The following HDX variants were observed in gnomAD, a reference collection of about 807,000 sequenced individuals.
HDX encodes highly divergent homeobox, also known as chromosome X open reading frame 43.
A neutral mutation model predicts 45.2 loss-of-function variants in HDX; 19 were observed. That is an observed-to-expected ratio of 0.42 (90% CI 0.29 to 0.62). The LOEUF (loss-of-function observed/expected upper bound fraction) is 0.62. HDX is among the 20% of genes least tolerant of loss of function. HDX has a pLI of 0.20. For synonymous variants in HDX, 188 were observed against 172.8 expected (o/e 1.09, Z -0.69); for missense variants, 532 against 493.9 (o/e 1.08, Z -0.73).
chrX:84,380,598 A>G (rs2038165756), intron 5 of HDX, among the ~76,000 whole-genome samples: 1 of 111,585 alleles, frequency 9.0e-6, no homozygotes, highest in East Asian at 2.8e-4. Flanking sequence ...GTGATACATC[A>G]CACCAACAGA....
At chrX:84,324,435 T>C (rs2036666551) in intron 10 of HDX, among the ~76,000 whole-genome samples, 1 of 111,588 alleles carries the variant, frequency 9.0e-6, no homozygotes. Flanking sequence ...GTGTCTTCTA[T>C]ATTTTGTGAC....
At chrX:84,405,847 T>G (rs1031076299) in intron 5 of HDX, among the ~76,000 whole-genome samples, 4 of 110,519 alleles carry the variant, frequency 3.6e-5, no homozygotes, top group African/African-American at 1.3e-4. Context: ...CAGCAATATA[T>G]AACATTAATG....
At chrX:84,409,837 C>T (rs1301213731) in intron 5 of HDX, among the ~76,000 whole-genome samples, 4 of 106,618 alleles carry the variant, frequency 3.8e-5, no homozygotes, top group South Asian at 4.3e-4. Context: ...CAAACCTGCA[C>T]GTTGTGCACA....
intron 1 of HDX, among the ~76,000 whole-genome samples, chrX:84,499,841 A>G (rs2041082845): frequency 8.9e-6 from 1 of 111,847 alleles, no homozygotes; most frequent in African/African-American, 3.2e-5. Flanking sequence ...GAAAGTGACA[A>G]CCAATATATA....
At chrX:84,458,750 G>A (rs2040169008) in intron 4 of HDX, among the ~76,000 whole-genome samples, 1 of 111,291 alleles carries the variant, frequency 9.0e-6, no homozygotes, top group African/African-American at 3.3e-5. Flanking sequence ...TGGCAAAATC[G>A]GAAACCTGCC....
intron 5 of HDX, among the ~76,000 whole-genome samples, chrX:84,412,593 C>A (rs566035511): frequency 9.0e-6 from 1 of 111,131 alleles, no homozygotes; most frequent in Non-Finnish European, 1.9e-5. Context: ...TGTCTAGCTG[C>A]CTTTAAAATA....
intron 3 of HDX, among the ~76,000 whole-genome samples, chrX:84,471,283 A>AGATT (rs1382260022): frequency 2.7e-5 from 3 of 109,194 alleles, no homozygotes; most frequent in African/African-American, 3.3e-5. Flanking sequence ...ATAGATAGAT[A>AGATT]GATTTTCATT....
chrX:84,370,110 A>G (rs1171395730), intron 5 of HDX, among the ~76,000 whole-genome samples: 1 of 112,084 alleles, frequency 8.9e-6, no homozygotes, highest in Non-Finnish European at 1.9e-5. Flanking sequence ...CTGGAACTGA[A>G]CAAAAAGCCT....
rs968206487 is a variant in HDX at position 84,404,402 on chromosome X, A to G, written c.1305+36130T>C. On this transcript the variant is annotated intron_variant, in intron 5 of 10. Coordinates refer to ENST00000373177, the MANE Select transcript of HDX (RefSeq NM_001177479.2). Reference sequence around the variant, plus strand: ...ATGGCATGATTCGACAAACTTAGAAATAACCAGCAGGTTTTGAAAAATCAC... The same window carrying G: ...ATGGCATGATTCGACAAACTTAGAAGTAACCAGCAGGTTTTGAAAAATCAC... Among the ~76,000 whole-genome samples, 9 of 111,865 alleles carry G rather than the reference A, an allele frequency of 8.0e-5. No homozygotes were observed. The South Asian group carries it at 2.2e-3, about 27-fold the overall frequency.
intron 5 of HDX, among the ~76,000 whole-genome samples, chrX:84,434,908 T>C (rs2148044721): frequency 9.0e-6 from 1 of 111,379 alleles, no homozygotes; most frequent in Admixed American, 9.6e-5. Context: ...AAGTCATATG[T>C]ATCCAGAAAT....
chrX:84,385,020 G>A (rs1309034138), intron 5 of HDX, among the ~76,000 whole-genome samples: 1 of 109,157 alleles, frequency 9.2e-6, no homozygotes, highest in East Asian at 2.9e-4. Flanking sequence ...GCTTGTTTTG[G>A]TTCCATGTGA....
chrX:84,443,706 A>G (rs2039810952), intron 4 of HDX, among the ~76,000 whole-genome samples: 1 of 112,175 alleles, frequency 8.9e-6, no homozygotes, highest in African/African-American at 3.2e-5. Flanking sequence ...ATTTTTTAAA[A>G]TCAAATGTTC....
chrX:84,385,421 G>A (rs2038294849), intron 5 of HDX, among the ~76,000 whole-genome samples: 1 of 106,919 alleles, frequency 9.4e-6, no homozygotes, highest in Non-Finnish European at 1.9e-5. Flanking sequence ...CACCGTTTTA[G>A]CCAGGATGGT....
intron 7 of HDX, among the ~76,000 whole-genome samples, chrX:84,342,009 T>C (rs1394125969): frequency 9.0e-6 from 1 of 111,648 alleles, no homozygotes; most frequent in African/African-American, 3.3e-5. Context: ...CAATACACAG[T>C]CTTTGTCCAT....
chrX:84,335,253 C>A (rs746827915), intron 8 of HDX, among the ~76,000 whole-genome samples: 1 of 110,140 alleles, frequency 9.1e-6, no homozygotes, highest in Non-Finnish European at 1.9e-5. Context: ...TTGGCTCTGG[C>A]AAAAAGGAGC....
chrX:84,339,722 G>A (rs1187129488), intron 7 of HDX, among the ~76,000 whole-genome samples: 1 of 110,925 alleles, frequency 9.0e-6, no homozygotes, highest in Admixed American at 9.6e-5. Context: ...GCCCTATGTG[G>A]TGGCTGTATG....
At chrX:84,369,950 T>A (rs905296497) in intron 5 of HDX, among the ~76,000 whole-genome samples, 1 of 112,328 alleles carries the variant, frequency 8.9e-6, no homozygotes, top group African/African-American at 3.2e-5. Context: ...TCAATTTGAC[T>A]GGGCTAAGGG....
chrX:84,454,550 G>A (rs181549675), intron 4 of HDX, among the ~76,000 whole-genome samples: 1,452 of 110,476 alleles, frequency 0.013, 35 homozygotes, highest in African/African-American at 0.046. Context: ...GGGCCAGTTC[G>A]GCCACAGTAG....
intron 1 of HDX, among the ~76,000 whole-genome samples, chrX:84,493,192 A>C (rs1041781126): frequency 4.5e-5 from 5 of 112,121 alleles, no homozygotes; most frequent in African/African-American, 1.6e-4. Context: ...TCAAAGCATA[A>C]AGTCTAGTGA....
Sources: gnomAD v4.1 joint callset for allele counts (sites outside exome capture counted in the v4.1 genomes callset) on GRCh38, gnomAD v4.1.1 for gene constraint, MANE v1.5 for transcripts, NCBI Gene and HGNC (gene_info 2026-07-23, HGNC 2026-07-21) for gene names.